Variants in ANKRD12 observed in about 807,000 individuals in gnomAD.
ANKRD12 encodes ankyrin repeat domain-containing protein 12.
ANKRD12 carries 85 observed loss-of-function variants against 183.4 expected under a neutral mutation model. That is an observed-to-expected ratio of 0.46 (90% CI 0.39 to 0.56). ANKRD12 has a LOEUF of 0.56. Ranked by LOEUF, ANKRD12 falls within the 20% of genes least tolerant of loss-of-function variation. The pLI, the probability that ANKRD12 is intolerant of heterozygous loss-of-function variation, is 0.00. For missense variants in ANKRD12, 2,405 were observed against 2,357.1 expected, an observed-to-expected ratio of 1.02 and a Z score of -0.42; for synonymous variants, 914 against 800.2, an observed-to-expected ratio of 1.14 and a Z score of -2.40.
At chr18:9,218,138 A>C (rs1337133578) in intron 7 of ANKRD12, among the ~76,000 whole-genome samples, 6 of 152,190 alleles carry the variant, frequency 3.9e-5, no homozygotes, top group Non-Finnish European at 8.8e-5. Flanking sequence ...TCTAAGTGTA[A>C]TTTTAAAGAA....
chr18:9,262,138 A>G (rs573732786), intron 9 of ANKRD12, among the ~76,000 whole-genome samples: 7 of 152,268 alleles, frequency 4.6e-5, no homozygotes, highest in African/African-American at 1.4e-4. Context: ...GTCTCTCATA[A>G]TGCTGATTAT....
In ANKRD12 at chr18:9,256,934, C is replaced by G. The variant is rs760546060; in HGVS notation, c.3667C>G (p.Pro1223Ala). ...EDSCHTTVTTPRPPVEYDSDF... is the reference protein window; with the variant it reads ...EDSCHTTVTTARPPVEYDSDF... ...TTCCTGCCATACTACAGTGACAACC[C>G]CAAGGCCTCCAGTTGAGTATGACTC... The change falls in exon 9 of 13, where the codon CCA becomes GCA. Residue 1223 changes from proline (P) to alanine (A), a missense_variant. By Grantham distance (27) the Pro-to-Ala change is conservative. Coordinates refer to ENST00000262126, the MANE Select transcript of ANKRD12 (RefSeq NM_015208.5). 1.2e-6 allele frequency: 2 copies of G among 1,613,938 alleles called. No individual in the cohort carries two copies. Among genetic ancestry groups the G allele is most frequent in the Non-Finnish European group, 1.7e-6 (2 of 1,179,998 alleles).
intron 8 of ANKRD12, chr18:9,250,009 T>G (rs1469933753): frequency 6.6e-6 from 1 of 152,190 alleles, no homozygotes; most frequent in East Asian, 1.9e-4. Context: ...AAAAACTGCT[T>G]AGTAGCTCAG....
At chr18:9,238,529 T>C (rs1016840432) in intron 8 of ANKRD12, among the ~76,000 whole-genome samples, 2 of 152,200 alleles carry the variant, frequency 1.3e-5, no homozygotes, top group African/African-American at 2.4e-5. Context: ...TCTGCACATA[T>C]AAGTCATACA....
chr18:9,202,941 C>T (rs959624137), intron 3 of ANKRD12, among the ~76,000 whole-genome samples: 4 of 152,126 alleles, frequency 2.6e-5, no homozygotes, highest in Non-Finnish European at 4.4e-5. Flanking sequence ...AACTGGTAAA[C>T]TACATTAATA....
At chr18:9,238,560 CTCT>C (rs1249608651) in intron 8 of ANKRD12, among the ~76,000 whole-genome samples, 1 of 152,186 alleles carries the variant, frequency 6.6e-6, no homozygotes, top group Non-Finnish European at 1.5e-5. Flanking sequence ...ATCTAAACTC[CTCT>C]TCTTCCTTTT....
Position 9,255,211 on chromosome 18 carries a change from A to G in ANKRD12, c.1944A>G (p.Lys648=), listed in dbSNP as rs376481754. The G allele has an allele frequency of 1.9e-6, 3 of 1,578,060 alleles. No homozygotes were observed. Among genetic ancestry groups the G allele is most frequent in the Non-Finnish European group, 2.6e-6 (3 of 1,169,910 alleles). The change falls in exon 9 of 13, where the codon AAA becomes AAG. Residue 648 remains lysine, a synonymous_variant. Transcript: ENST00000262126. ...TGAAAAAAATGGATAAAGAAGGTAA[A>G]ACATTAAAAAAACATAAATTGAAGC... ...CTLKKMDKEG[K]TLKKHKLKHK...
At chr18:9,274,205 T>C (rs1320917570) in intron 10 of ANKRD12, among the ~76,000 whole-genome samples, 1 of 152,258 alleles carries the variant, frequency 6.6e-6, no homozygotes, top group African/African-American at 2.4e-5. Flanking sequence ...TTGAGCCTGC[T>C]GACTTCAGAT....
intron 3 of ANKRD12, 39 bp from the exon 4 acceptor site, chr18:9,204,437 G>A: frequency 2.8e-6 from 4 of 1,441,414 alleles, no homozygotes; most frequent in Non-Finnish European, 2.9e-6. Context: ...TTCCCTCCGT[G>A]TGCTTTTTTC....
At chr18:9,193,928 G>C (rs1023452663) in intron 2 of ANKRD12, among the ~76,000 whole-genome samples, 5 of 152,160 alleles carry the variant, frequency 3.3e-5, no homozygotes, top group Admixed American at 6.5e-5. Context: ...TTATAGGAGT[G>C]AACTTTATAA....
intron 1 of ANKRD12, among the ~76,000 whole-genome samples, chr18:9,159,493 G>T (rs887460825): frequency 6.7e-6 from 1 of 150,344 alleles, no homozygotes; most frequent in Non-Finnish European, 1.5e-5. Context: ...GTGCAGTGGC[G>T]CAATCTCGGC....
intron 1 of ANKRD12, among the ~76,000 whole-genome samples, chr18:9,157,072 G>A (rs148953512): frequency 7.9e-5 from 12 of 152,288 alleles, no homozygotes; most frequent in African/African-American, 2.9e-4. Context: ...TGACAGTGTG[G>A]ATGTTACTCA....
At chr18:9,227,949 T>C (rs1366905304) in intron 8 of ANKRD12, among the ~76,000 whole-genome samples, 1 of 152,100 alleles carries the variant, frequency 6.6e-6, no homozygotes, top group South Asian at 2.1e-4. Context: ...TTCCCCACTC[T>C]CCCCCACCAA....
intron 8 of ANKRD12, among the ~76,000 whole-genome samples, chr18:9,236,819 A>G (rs1224296301): frequency 6.6e-6 from 1 of 152,128 alleles, no homozygotes; most frequent in Non-Finnish European, 1.5e-5. Context: ...ACACATATAT[A>G]CCCCTTGACA....
At chr18:9,268,024 T>C (rs954752163) in intron 10 of ANKRD12, among the ~76,000 whole-genome samples, 4 of 152,110 alleles carry the variant, frequency 2.6e-5, no homozygotes, top group African/African-American at 7.2e-5. Context: ...CTAGAAGAAA[T>C]GGATAAATTC....
chr18:9,153,826 C>G (rs2143626885), intron 1 of ANKRD12, among the ~76,000 whole-genome samples: 1 of 151,958 alleles, frequency 6.6e-6, no homozygotes, highest in South Asian at 2.1e-4. Context: ...CTGGGACTGT[C>G]TTCTCTACTT....
rs1230885557 is a variant in ANKRD12, at chr18:9,275,641, G to A, written c.5881G>A (p.Val1961Ile). The A allele has an allele frequency of 6.2e-7, 1 of 1,601,012 alleles. No homozygotes were observed. The highest frequency in any genetic ancestry group is 1.3e-5 in the African/African-American group (1 of 74,774). ...SACTVLLDAE[V>I]YNVPLDSQSD... ...TTGTACTGTTTTGCTGGATGCCGAA[G>A]TATACAATGTACCATTGGACTCTCA... Residue 1961 changes from valine (V) to isoleucine (I), a missense_variant, in exon 11 of 13, where the codon GTA becomes ATA. Physicochemically the swap from Val to Ile is conservative, Grantham distance 29 (BLOSUM62 3). Transcript: ENST00000262126.
rs2038610297 is a variant in ANKRD12 at position 9,256,194 on chromosome 18, A to G, written c.2927A>G (p.Lys976Arg). 3.8e-6 allele frequency: 6 copies of G among 1,571,710 alleles called. No homozygotes were observed. The highest frequency in any genetic ancestry group is 4.3e-6 in the Non-Finnish European group (5 of 1,167,010). Residue 976 changes from lysine (K) to arginine (R), a missense_variant, in exon 9 of 13, where the codon AAA becomes AGA. Lys to Arg is a conservative substitution (Grantham distance 26). This residue lies in a region of ANKRD12 where 1,983 missense variants were observed against 1,725.9 expected (regional missense o/e 1.15). Transcript: ENST00000262126. ...DKESINITNS[K>R]HIQEEKKSSI... ...GAAAGTATAAATATAACTAACTCCA[A>G]ACACATACAGGAAGAAAAAAAATCA... is the stretch of plus-strand genomic sequence containing the variant.
In ANKRD12 at chr18:9,279,579, C is replaced by A; in HGVS notation, c.5938C>A (p.Arg1980Ser). The A allele has an allele frequency of 6.2e-7, 1 of 1,605,510 alleles. No homozygotes were observed. The highest frequency in any genetic ancestry group is 1.1e-5 in the South Asian group (1 of 88,798). Reference sequence around the variant, plus strand: ...TGACAGTAAAACTTCTGTGAGGGATCGCTTTAATGCAAGACAATTCATGTC... The same window carrying A: ...TGACAGTAAAACTTCTGTGAGGGATAGCTTTAATGCAAGACAATTCATGTC... ...SDDSKTSVRD[R>S]FNARQFMSWL... is the part of the protein sequence containing the mutation. Residue 1980 changes from arginine (R) to serine (S), a missense_variant, in exon 12 of 13, where the codon CGC (arginine) becomes AGC (serine). This residue lies in a region of ANKRD12 where 162 missense variants were observed against 272.2 expected (regional missense o/e 0.60). Transcript: ENST00000262126.
Sources: gnomAD v4.1 joint callset for allele counts (sites outside exome capture counted in the v4.1 genomes callset) on GRCh38, gnomAD v4.1.1 for gene constraint, gnomAD v4.1.1 regional missense constraint, MANE v1.5 for transcripts, NCBI Gene and HGNC (gene_info 2026-07-23, HGNC 2026-07-21) for gene names.